JAM3: variants seen among roughly 807,000 people sequenced by gnomAD.
JAM3 encodes the protein junctional adhesion molecule 3, also known as junctional adhesion molecule C.
In JAM3, 31 loss-of-function variants were observed where a neutral mutation model predicts 39.4. That is an observed-to-expected ratio of 0.79 (90% CI 0.59 to 1.06). The LOEUF is 1.06. JAM3 is among the 50% of genes least tolerant of loss of function. The pLI is 0.00. For synonymous variants in JAM3, 182 were observed against 148.7 expected (o/e 1.22, Z -1.63); for missense variants, 455 against 391.4 (o/e 1.16, Z -1.37).
At chr11:134,145,154 C>A (rs1943049199) in intron 5 of JAM3, 160 bp downstream of exon 5, 5 of 660,826 alleles carry the variant, frequency 7.6e-6, no homozygotes, top group Non-Finnish European at 1.4e-5. Context: ...ACCCTTCTTC[C>A]TTTTATAAAC....
intron 1 of JAM3, among the ~76,000 whole-genome samples, chr11:134,102,198 A>G (rs1942087871): frequency 3.3e-5 from 5 of 152,160 alleles, no homozygotes; most frequent in Admixed American, 3.3e-4. Context: ...AAACCCAGAC[A>G]GTTCAGCAGT....
chr11:134,135,568 C>T (rs1942849648), intron 1 of JAM3, among the ~76,000 whole-genome samples: 1 of 150,000 alleles, frequency 6.7e-6, no homozygotes, highest in Non-Finnish European at 1.5e-5. Flanking sequence ...GATGGAGTCT[C>T]ACTCTGTCGC....
At chr11:134,134,398 C>CAAAAAAAAAAAAAAAAAA (rs34729848) in intron 1 of JAM3, among the ~76,000 whole-genome samples, 30 of 31,910 alleles carry the variant, frequency 9.4e-4, no homozygotes, top group East Asian at 2.2e-3. Context: ...GGATAAATGC[C>CAAAAAAAAAAAAAAAAAA]AAAAAAAAAA....
chr11:134,104,584 A>C (rs1390624973), intron 1 of JAM3, among the ~76,000 whole-genome samples: 1 of 152,170 alleles, frequency 6.6e-6, no homozygotes, highest in Non-Finnish European at 1.5e-5. Flanking sequence ...GGTTTTTGAA[A>C]AGATCAACAA....
rs186277772 is a variant in JAM3, at chr11:134,142,682, A to G, written c.257-1559A>G. Among the ~76,000 whole-genome samples the G allele has an allele frequency of 2.6e-3, 402 of 152,158 alleles. 7 individuals are homozygous for G. The highest frequency in any genetic ancestry group is 6.9e-4 in the Non-Finnish European group (47 of 68,006). On this transcript the variant is annotated intron_variant, in intron 3 of 8. Transcript: ENST00000299106. ...AAAGTGTGCAGTTCAGGGGTTTTTA[A>G]TATACTCACAGTTGTGCAACCATCA...
rs562882212 is a variant in JAM3, at chr11:134,082,040, A to G, written c.76+12881A>G. Among the ~76,000 whole-genome samples the G allele has an allele frequency of 1.4e-4, 22 of 152,318 alleles. No individual in the cohort carries two copies. In the South Asian group the frequency reaches 1.7e-3, roughly 11 times the overall value. On this transcript the variant is annotated intron_variant, in intron 1 of 8. Transcript: ENST00000299106. ...TGGATTTCAGACTTGCATGGGGCCT[A>G]TCGCCCCTTTGTCTTGGCCAATTTC...
intron 1 of JAM3, among the ~76,000 whole-genome samples, chr11:134,085,763 A>G (rs1941737839): frequency 6.6e-6 from 1 of 152,152 alleles, no homozygotes; most frequent in Non-Finnish European, 1.5e-5. Context: ...GTGTAGCGTA[A>G]TATTTGGAAC....
chr11:134,121,010 A>G (rs531170400), intron 1 of JAM3, among the ~76,000 whole-genome samples: 1 of 152,170 alleles, frequency 6.6e-6, no homozygotes, highest in Non-Finnish European at 1.5e-5. Context: ...CTGTGCACCA[A>G]CCGCAGATGC....
At chr11:134,125,342 C>T (rs1393590653) in intron 1 of JAM3, among the ~76,000 whole-genome samples, 1 of 152,188 alleles carries the variant, frequency 6.6e-6, no homozygotes, top group African/African-American at 2.4e-5. Flanking sequence ...CCCTTGCAGA[C>T]TCATCCAAGA....
At chr11:134,113,931 G>T (rs948242439) in intron 1 of JAM3, among the ~76,000 whole-genome samples, 2 of 152,178 alleles carry the variant, frequency 1.3e-5, no homozygotes, top group African/African-American at 4.8e-5. Flanking sequence ...ATGTGCATTT[G>T]TCTGATGGCC....
intron 1 of JAM3, among the ~76,000 whole-genome samples, chr11:134,111,066 C>A (rs545304382): frequency 7.0e-6 from 1 of 142,080 alleles, no homozygotes; most frequent in Non-Finnish European, 1.5e-5. Flanking sequence ...TGAATTAATT[C>A]TTTGTTCTCA....
At chr11:134,085,470 ATTTTG>A (rs1372888762) in intron 1 of JAM3, among the ~76,000 whole-genome samples, 4 of 152,150 alleles carry the variant, frequency 2.6e-5, no homozygotes, top group Non-Finnish European at 2.9e-5. Context: ...ATTTTTCTAA[ATTTTG>A]TTTTGTGTTG....
rs1941447482 is a variant in JAM3, at chr11:134,069,273, G to T, written c.76+114G>T. 3 of 1,402,862 alleles carry T rather than the reference G, an allele frequency of 2.1e-6. No individual in the cohort carries two copies. The Admixed American group carries it at 6.1e-5, about 29-fold the overall frequency. The allele number at this position is 1,402,862 out of a possible 1,614,324, so 86.9% of individuals were successfully genotyped here. On this transcript the variant is annotated intron_variant, in intron 1 of 8. Transcript: ENST00000299106. ...GAGGATAGCGGTCCTGGCTCCGAGG[G>T]CTCCCGGGGTCCCGGGCCGGAGGGG... is the stretch of plus-strand genomic sequence containing the variant.
At chr11:134,103,789 C>G (rs548049096) in intron 1 of JAM3, among the ~76,000 whole-genome samples, 3 of 152,144 alleles carry the variant, frequency 2.0e-5, no homozygotes, top group African/African-American at 7.2e-5. Context: ...GTAAAGGGAT[C>G]AATTCAACAA....
intron 1 of JAM3, among the ~76,000 whole-genome samples, chr11:134,086,952 G>A (rs1941754812): frequency 1.3e-5 from 2 of 151,984 alleles, no homozygotes; most frequent in South Asian, 4.2e-4. Context: ...CCACAGGGAT[G>A]TACCACCATG....
intron 1 of JAM3, among the ~76,000 whole-genome samples, chr11:134,108,511 G>C (rs981237305): frequency 6.6e-6 from 1 of 152,124 alleles, no homozygotes; most frequent in African/African-American, 2.4e-5. Flanking sequence ...CGTGAACATA[G>C]ATGCAAAAAT....
chr11:134,082,130 A>G (rs1022983501), intron 1 of JAM3, among the ~76,000 whole-genome samples: 4 of 152,206 alleles, frequency 2.6e-5, no homozygotes, highest in Non-Finnish European at 4.4e-5. Flanking sequence ...CATGGGGCCT[A>G]TAGCCCCTTT....
chr11:134,107,863 A>G (rs1354393733), intron 1 of JAM3, among the ~76,000 whole-genome samples: 1 of 151,448 alleles, frequency 6.6e-6, no homozygotes, highest in African/African-American at 2.4e-5. Flanking sequence ...CCTTGTCTCT[A>G]AAATAAATAA....
At chr11:134,097,023 G>A (rs1941996385) in intron 1 of JAM3, among the ~76,000 whole-genome samples, 1 of 152,126 alleles carries the variant, frequency 6.6e-6, no homozygotes, top group Non-Finnish European at 1.5e-5. Context: ...GTGTTTTGGG[G>A]TTGTGGAAGA....
Sources: allele counts gnomAD v4.1 joint callset (sites outside exome capture counted in the v4.1 genomes callset), GRCh38; gene constraint gnomAD v4.1.1; transcripts MANE v1.5; gene names NCBI Gene and HGNC (gene_info 2026-07-23, HGNC 2026-07-21).